Variants in ROBO2 observed in about 807,000 individuals in gnomAD.
ROBO2 encodes roundabout homolog 2.
ROBO2 carries 53 observed loss-of-function variants against 160.8 expected under a neutral mutation model. The observed-to-expected ratio is 0.33, with a 90% confidence interval of 0.26 to 0.41. ROBO2 has a LOEUF of 0.41. Ranked by LOEUF, ROBO2 falls within the 10% of genes least tolerant of loss-of-function variation. The pLI, the probability that ROBO2 is intolerant of heterozygous loss-of-function variation, is 1.00. For missense variants in ROBO2, 1,577 were observed against 1,722.4 expected, an observed-to-expected ratio of 0.92 and a Z score of 1.49; for synonymous variants, 664 against 611.7, an observed-to-expected ratio of 1.09 and a Z score of -1.26.
chr3:76,816,948 A>G (rs1041710202), intron 2 of ROBO2, among the ~76,000 whole-genome samples: 1 of 152,110 alleles, frequency 6.6e-6, no homozygotes, highest in African/African-American at 2.4e-5. Flanking sequence ...GGAAACCATC[A>G]TTCTCAGCAA....
Position 76,579,801 on chromosome 3 carries a change from A to G in ROBO2, c.110-518213A>G, listed in dbSNP as rs572203371. Among the ~76,000 whole-genome samples, 982 of 151,304 alleles carry G rather than the reference A, an allele frequency of 6.5e-3. 12 individuals carry two copies. Among genetic ancestry groups the G allele is most frequent in the African/African-American group, 0.022 (894 of 41,208 alleles). On this transcript the variant is annotated intron_variant, in intron 2 of 26. Transcript: ENST00000487694. ...GGTTGAGTTACAAAAAAAAAAAAAAAAAAGAAAGAAAGAAAACAAAACTTT... is the reference window on the plus strand; with the variant it reads ...GGTTGAGTTACAAAAAAAAAAAAAAGAAAGAAAGAAAGAAAACAAAACTTT...
intron 2 of ROBO2, among the ~76,000 whole-genome samples, chr3:77,273,743 G>A (rs1007089767): frequency 2.6e-5 from 4 of 152,164 alleles, no homozygotes; most frequent in Non-Finnish European, 5.9e-5. Context: ...GGTAAAACTG[G>A]ATTGTTGGAA....
At chr3:77,563,374 C>A in intron 11 of ROBO2, 45 bp downstream of exon 12, 1 of 1,581,324 alleles carries the variant, frequency 6.3e-7, no homozygotes, top group Non-Finnish European at 8.7e-7. Flanking sequence ...TGTCTTAGCT[C>A]CTTTATTCTA....
At chr3:76,862,885 A>G (rs2070945194) in intron 2 of ROBO2, among the ~76,000 whole-genome samples, 1 of 152,062 alleles carries the variant, frequency 6.6e-6, no homozygotes, top group African/African-American at 2.4e-5. Flanking sequence ...AACAATTTTC[A>G]CGTCTCTTTT....
intron 2 of ROBO2, among the ~76,000 whole-genome samples, chr3:75,972,684 G>A (rs903463039): frequency 6.6e-6 from 1 of 151,646 alleles, no homozygotes; most frequent in African/African-American, 2.4e-5. Context: ...AGCAACATCA[G>A]TATTACATTG....
chr3:77,304,109 G>A (rs1416679412), intron 2 of ROBO2, among the ~76,000 whole-genome samples: 1 of 152,070 alleles, frequency 6.6e-6, no homozygotes, highest in African/African-American at 2.4e-5. Context: ...GACATATGCC[G>A]CTAGTGTCCA....
At chr3:77,374,162 A>C (rs2072263542) in intron 2 of ROBO2, among the ~76,000 whole-genome samples, 2 of 105,162 alleles carry the variant, frequency 1.9e-5, no homozygotes, top group South Asian at 8.1e-4. Flanking sequence ...CAACAGCGAG[A>C]CTCCATCAAA....
At chr3:76,226,547 A>G (rs995515512) in intron 2 of ROBO2, among the ~76,000 whole-genome samples, 3 of 152,198 alleles carry the variant, frequency 2.0e-5, no homozygotes, top group Admixed American at 1.3e-4. Context: ...TAAGAATTCT[A>G]TGCAAAGTTT....
intron 17 of ROBO2, among the ~76,000 whole-genome samples, chr3:77,591,373 C>T (rs988640737): frequency 2.0e-5 from 3 of 152,154 alleles, no homozygotes; most frequent in Non-Finnish European, 2.9e-5. Context: ...AAAGCTTCCT[C>T]ACTCAAAATG....
intron 1 of ROBO2, among the ~76,000 whole-genome samples, chr3:75,926,794 C>T (rs1947311304): frequency 6.6e-6 from 1 of 152,140 alleles, no homozygotes; most frequent in South Asian, 2.1e-4. Flanking sequence ...TTTTTAAGTT[C>T]ACTAATTTGA....
At chr3:76,246,014 T>C (rs1233600344) in intron 2 of ROBO2, among the ~76,000 whole-genome samples, 1 of 152,170 alleles carries the variant, frequency 6.6e-6, no homozygotes, top group Non-Finnish European at 1.5e-5. Flanking sequence ...ATATATATGC[T>C]TTTTGTTTTC....
At chr3:76,049,403 A>ATATATAT (rs1414664360) in intron 2 of ROBO2, among the ~76,000 whole-genome samples, 1 of 53,752 alleles carries the variant, frequency 1.9e-5, no homozygotes, top group Non-Finnish European at 2.7e-5. Context: ...ATATATATAT[A>ATATATAT]TTTTTTTTTT....
chr3:76,592,521 T>C (rs757914867), intron 2 of ROBO2, among the ~76,000 whole-genome samples: 5 of 152,116 alleles, frequency 3.3e-5, no homozygotes, highest in Non-Finnish European at 5.9e-5. Context: ...GATAATAACT[T>C]TGAGCTAAAA....
intron 2 of ROBO2, among the ~76,000 whole-genome samples, chr3:77,171,571 G>A (rs887578972): frequency 1.3e-5 from 2 of 152,152 alleles, no homozygotes; most frequent in Non-Finnish European, 2.9e-5. Flanking sequence ...TTCCTCATGA[G>A]TTAACTTTTA....
chr3:76,472,136 T>A (rs2078699272), intron 2 of ROBO2, among the ~76,000 whole-genome samples: 1 of 151,592 alleles, frequency 6.6e-6, no homozygotes, highest in Non-Finnish European at 1.5e-5. Flanking sequence ...ACTTCTTCCA[T>A]AAACCTATAG....
At chr3:77,392,418 T>G (rs1190672117) in intron 2 of ROBO2, among the ~76,000 whole-genome samples, 1 of 152,268 alleles carries the variant, frequency 6.6e-6, no homozygotes, top group East Asian at 1.9e-4. Flanking sequence ...TTGTGAGCTC[T>G]GTTTTTCTTG....
chr3:76,603,332 C>CAA lies in ROBO2; in HGVS notation c.110-494663_110-494662dup, dbSNP rs61547121. 2.0e-3 allele frequency among the ~76,000 whole-genome samples: 131 copies of CAA among 66,484 alleles called. 1 individual carries two copies. The highest frequency in any genetic ancestry group is 4.5e-3 in the East Asian group (11 of 2,448). The allele number at this position is 66,484 out of a possible 152,430, so 43.6% of individuals were successfully genotyped here. ...GGGTGACAGAGCGAGACTCCATCTCCAAAAAAAAAAAAAAAAAAAATATAT... is the reference window on the plus strand; with the variant it reads ...GGGTGACAGAGCGAGACTCCATCTCCAAAAAAAAAAAAAAAAAAAAAATATAT... On this transcript the variant is annotated intron_variant, in intron 2 of 26. Transcript: ENST00000487694.
At chr3:76,796,895 A>G (rs1237253726) in intron 2 of ROBO2, among the ~76,000 whole-genome samples, 3 of 152,140 alleles carry the variant, frequency 2.0e-5, no homozygotes, top group Non-Finnish European at 2.9e-5. Flanking sequence ...GGAAGAGGAT[A>G]TAACAAGTGT....
intron 2 of ROBO2, among the ~76,000 whole-genome samples, chr3:76,448,326 A>G (rs1306787870): frequency 6.6e-6 from 1 of 152,130 alleles, no homozygotes; most frequent in African/African-American, 2.4e-5. Context: ...AATCTGATAT[A>G]TCTTGCAACT....
Sources: allele counts gnomAD v4.1 joint callset (sites outside exome capture counted in the v4.1 genomes callset), GRCh38; gene constraint gnomAD v4.1.1; transcripts MANE v1.5; gene names NCBI Gene and HGNC (gene_info 2026-07-23, HGNC 2026-07-21).